ZNF407: variants seen among roughly 807,000 people sequenced by gnomAD.
ZNF407 encodes the protein zinc finger protein 407.
A neutral mutation model predicts 131.2 loss-of-function variants in ZNF407; 17 were observed. The ratio of observed to expected loss-of-function variants is 0.13; its 90% confidence interval spans 0.09 to 0.19. The LOEUF is 0.19. Among genes scored for constraint, ZNF407 ranks in the 10% least tolerant of loss-of-function variants. The pLI, the probability that ZNF407 is intolerant of heterozygous loss-of-function variation, is 1.00. For missense variants in ZNF407, 2,681 were observed against 2,830.6 expected (o/e 0.95, Z 1.20); for synonymous variants, 1,156 against 1,062.0 (o/e 1.09, Z -1.72).
rs1187267883 is a variant in ZNF407 at position 74,891,872 on chromosome 18, CTGT to C, written c.5249+1840_5249+1842del. Among the ~76,000 whole-genome samples, 24 of 152,038 alleles carry C rather than the reference CTGT, an allele frequency of 1.6e-4. 1 individual carries two copies. Among genetic ancestry groups the C allele is most frequent in the Non-Finnish European group, 5.9e-5 (4 of 67,988 alleles). On this transcript the variant is annotated intron_variant, in intron 7 of 8. Coordinates refer to ENST00000299687, the MANE Select transcript of ZNF407 (RefSeq NM_017757.3). ...TACTCTATGCATAAGGTTTTTATTA[CTGT>C]TGTTGGCGGGGGATTTTTTTGTTTC...
chr18:75,027,689 T>C (rs1382743908), intron 8 of ZNF407, among the ~76,000 whole-genome samples: 2 of 152,078 alleles, frequency 1.3e-5, no homozygotes, highest in Non-Finnish European at 2.9e-5. Flanking sequence ...GAGGTCATCT[T>C]AGGAGGGAGT....
In ZNF407 at chr18:74,842,136, A is replaced by T. The variant is rs1000903416; in HGVS notation, c.4878-35061A>T. 3.3e-5 allele frequency among the ~76,000 whole-genome samples: 5 copies of T among 152,008 alleles called. No homozygotes were observed. In the South Asian group the frequency reaches 8.3e-4, roughly 25 times the overall value. On this transcript the variant is annotated intron_variant, in intron 4 of 8. Coordinates refer to ENST00000299687, the MANE Select transcript of ZNF407 (RefSeq NM_017757.3). ...TGGAAAGGTTGCCTAAGATTTTTTT[A>T]TTCTGTTGGATACTAGGCTGTAGGC...
At chr18:74,670,254 C>G (rs1421999843) in intron 3 of ZNF407, among the ~76,000 whole-genome samples, 1 of 152,162 alleles carries the variant, frequency 6.6e-6, no homozygotes, top group Non-Finnish European at 1.5e-5. Flanking sequence ...GACCAGGATG[C>G]TCTTGGACTT....
rs1971496058 is a variant in ZNF407, at chr18:74,899,557, C to T, written c.5249+9519C>T. On this transcript the variant is annotated intron_variant, in intron 7 of 8. Coordinates refer to ENST00000299687, the MANE Select transcript of ZNF407 (RefSeq NM_017757.3). ...ATGCCCATGTGATGTCCAAATGAAA[C>T]CAGGTCAATAGGTGTATAGTTCCAT... Among the ~76,000 whole-genome samples, 6 of 152,116 alleles carry T rather than the reference C, an allele frequency of 3.9e-5. No individual in the cohort carries two copies. The South Asian group carries it at 1.2e-3, about 32-fold the overall frequency.
At chr18:74,677,562 A>G (rs1986443829) in intron 3 of ZNF407, among the ~76,000 whole-genome samples, 1 of 151,878 alleles carries the variant, frequency 6.6e-6, no homozygotes, top group Admixed American at 6.6e-5. Flanking sequence ...CTTTTGAATG[A>G]TATGTTTGCT....
At chr18:74,824,993 C>T (rs1356385948) in intron 4 of ZNF407, among the ~76,000 whole-genome samples, 1 of 152,198 alleles carries the variant, frequency 6.6e-6, no homozygotes, top group African/African-American at 2.4e-5. Flanking sequence ...TCCAGCAGCA[C>T]ATCAAAAAGC....
Position 74,632,715 on chromosome 18 carries a change from A to G in ZNF407, c.1696A>G (p.Ser566Gly), listed in dbSNP as rs1269436317. 2.5e-6 allele frequency: 4 copies of G among 1,614,056 alleles called. No individual in the cohort carries two copies. The highest frequency in any genetic ancestry group is 3.3e-5 in the Admixed American group (2 of 60,032). Residue 566 changes from serine to glycine, a missense_variant, in exon 2 of 9, where the codon AGT (serine) becomes GGT (glycine). Coordinates refer to ENST00000299687, the MANE Select transcript of ZNF407 (RefSeq NM_017757.3). ...TTACTGCCGTACTTGTGACTTCTCTAGTATGTCAAGAAGGGACTTAGATGA... is the reference window on the plus strand; with the variant it reads ...TTACTGCCGTACTTGTGACTTCTCTGGTATGTCAAGAAGGGACTTAGATGA... ...KFYCRTCDFS[S>G]MSRRDLDEHL...
At chr18:74,814,944 T>C (rs1970247396) in intron 4 of ZNF407, among the ~76,000 whole-genome samples, 1 of 151,920 alleles carries the variant, frequency 6.6e-6, no homozygotes, top group Non-Finnish European at 1.5e-5. Flanking sequence ...TTATATAATC[T>C]TTATTAATCA....
intron 8 of ZNF407, among the ~76,000 whole-genome samples, chr18:74,936,680 C>T (rs1007040932): frequency 6.6e-6 from 1 of 152,108 alleles, no homozygotes; most frequent in Non-Finnish European, 1.5e-5. Flanking sequence ...AAACCTATAC[C>T]GAAAGAATTC....
intron 3 of ZNF407, among the ~76,000 whole-genome samples, chr18:74,651,813 G>A (rs1018753574): frequency 2.6e-5 from 4 of 152,174 alleles, no homozygotes; most frequent in Non-Finnish European, 4.4e-5. Context: ...CAAGATGACA[G>A]TTCATGATTT....
At chr18:74,954,899 T>A (rs1972258271) in intron 8 of ZNF407, among the ~76,000 whole-genome samples, 1 of 152,200 alleles carries the variant, frequency 6.6e-6, no homozygotes, top group South Asian at 2.1e-4. Flanking sequence ...AGGACAGGTG[T>A]CACTGGATAT....
intron 4 of ZNF407, among the ~76,000 whole-genome samples, chr18:74,860,780 A>G (rs1174616310): frequency 2.0e-5 from 3 of 152,026 alleles, no homozygotes; most frequent in Non-Finnish European, 2.9e-5. Context: ...GTTTTTTAGG[A>G]CTGTGATAAG....
chr18:74,863,568 T>C (rs994363891), intron 4 of ZNF407, among the ~76,000 whole-genome samples: 2 of 152,138 alleles, frequency 1.3e-5, no homozygotes, highest in African/African-American at 4.8e-5. Flanking sequence ...TCTCCTTTTA[T>C]TTGACTAGTT....
intron 8 of ZNF407, among the ~76,000 whole-genome samples, chr18:74,973,330 T>G (rs1214002242): frequency 6.6e-6 from 1 of 152,208 alleles, no homozygotes; most frequent in Non-Finnish European, 1.5e-5. Context: ...AATTTTTGCT[T>G]CAGTCACCAA....
Position 74,633,398 on chromosome 18 carries a change from A to G in ZNF407, c.2379A>G (p.Gly793=). ...NDKKEEFDVS[G]NGRIEGHIGV... ...AAAAAGAAGAGTTTGATGTTTCCGG[A>G]AATGGAAGGATTGAAGGCCATATAG... The change falls in exon 2 of 9, where the codon GGA becomes GGG. Residue 793 remains glycine (G), a synonymous_variant. Coordinates refer to ENST00000299687, the MANE Select transcript of ZNF407 (RefSeq NM_017757.3). 6.2e-7 allele frequency: 1 copy of G among 1,614,028 alleles called. No homozygotes were observed. The highest frequency in any genetic ancestry group is 1.3e-5 in the African/African-American group (1 of 75,054).
chr18:74,839,199 A>G (rs1199131076), intron 4 of ZNF407, among the ~76,000 whole-genome samples: 2 of 152,198 alleles, frequency 1.3e-5, no homozygotes, highest in African/African-American at 2.4e-5. Context: ...GCACATCTCT[A>G]TTAGTAGGGA....
At chr18:74,830,288 T>A (rs980179398) in intron 4 of ZNF407, among the ~76,000 whole-genome samples, 1 of 152,118 alleles carries the variant, frequency 6.6e-6, no homozygotes, top group African/African-American at 2.4e-5. Context: ...TTATTTTATT[T>A]TATTACTTTT....
intron 8 of ZNF407, among the ~76,000 whole-genome samples, chr18:75,053,760 G>A (rs1599313780): frequency 6.6e-6 from 1 of 152,228 alleles, no homozygotes; most frequent in East Asian, 1.9e-4. Flanking sequence ...CCTGCCGTGT[G>A]TAGAAAAGGC....
chr18:74,882,317 T>C (rs1220893627), intron 6 of ZNF407, among the ~76,000 whole-genome samples: 2 of 152,216 alleles, frequency 1.3e-5, no homozygotes, highest in East Asian at 1.9e-4. Context: ...TTACTCTAAA[T>C]GTGTCCTAGT....
Sources: gnomAD v4.1 joint callset for allele counts (sites outside exome capture counted in the v4.1 genomes callset) on GRCh38, gnomAD v4.1.1 for gene constraint, MANE v1.5 for transcripts, NCBI Gene and HGNC (gene_info 2026-07-23, HGNC 2026-07-21) for gene names.